Variants in TBX18 observed in about 807,000 individuals in gnomAD.
TBX18 encodes T-box transcription factor TBX18.
Under a neutral mutation model 55.0 loss-of-function variants are expected in TBX18, and 21 were observed. That is an observed-to-expected ratio of 0.38 (90% CI 0.27 to 0.55). The LOEUF (loss-of-function observed/expected upper bound fraction) is 0.55. Ranked by LOEUF, TBX18 falls within the 20% of genes least tolerant of loss-of-function variation. The probability of loss-of-function intolerance (pLI) is 0.73; values close to 1 mark genes in which losing one functional copy is unlikely to be tolerated. For missense variants in TBX18, 840 were observed against 799.6 expected (o/e 1.05, Z -0.61); for synonymous variants, 342 against 326.1 (o/e 1.05, Z -0.53).
At position 84,736,959 on chromosome 6, in the gene TBX18, G is replaced by A; in HGVS notation, c.1550C>T (p.Ser517Phe). Reference protein sequence around the residue: ...AFATNQTHQGSYNTFRLHSPC... With the variant: ...AFATNQTHQGFYNTFRLHSPC... ...GCTGTGTAATCTAAAAGTATTATAG[G>A]AACCCTGATGGGTCTGGTTAGTGGC... The change falls in exon 8 of 8, where the codon TCC (serine) becomes TTC (phenylalanine). Residue 517 changes from serine to phenylalanine, a missense_variant. By Grantham distance (155) the Ser-to-Phe change is radical (BLOSUM62 -2). Coordinates refer to ENST00000369663, the MANE Select transcript of TBX18 (RefSeq NM_001080508.3). 6.2e-7 allele frequency: 1 copy of A among 1,609,280 alleles called. No homozygotes were observed. The highest frequency in any genetic ancestry group is 8.5e-7 in the Non-Finnish European group (1 of 1,177,076).
intron 6 of TBX18, among the ~76,000 whole-genome samples, 161 bp downstream of exon 6, chr6:84,744,100 T>C (rs545025253): frequency 6.6e-6 from 1 of 152,256 alleles, no homozygotes; most frequent in African/African-American, 2.4e-5. Flanking sequence ...GGTGACACCA[T>C]TACACTACAA....
At chr6:84,753,321 T>C (rs1767400244) in intron 4 of TBX18, among the ~76,000 whole-genome samples, 1 of 152,210 alleles carries the variant, frequency 6.6e-6, no homozygotes, top group Non-Finnish European at 1.5e-5. Context: ...TGCAAAGATT[T>C]GATTCCTGCA....
At chr6:84,750,527 T>A (rs535065082) in intron 4 of TBX18, among the ~76,000 whole-genome samples, 3 of 152,256 alleles carry the variant, frequency 2.0e-5, no homozygotes, top group African/African-American at 7.2e-5. Flanking sequence ...ATTACATATA[T>A]TTAAGTCTGA....
At chr6:84,758,689 G>A (rs566426527) in intron 3 of TBX18, among the ~76,000 whole-genome samples, 76 of 152,052 alleles carry the variant, frequency 5.0e-4, no homozygotes, top group Non-Finnish European at 1.0e-3. Context: ...AACAAATAGA[G>A]TAATAGGCTC....
chr6:84,764,104 G>C lies in TBX18; in HGVS notation c.78C>G (p.Ile26Met), dbSNP rs775800364. Residue 26 changes from isoleucine to methionine, a missense_variant, in exon 1 of 8, where the codon ATC becomes ATG. Coordinates refer to ENST00000369663, the MANE Select transcript of TBX18 (RefSeq NM_001080508.3). ...KAHAFSVEALIGAEKQQQLQK... is the reference protein window; with the variant it reads ...KAHAFSVEALMGAEKQQQLQK... ...GAAGCTGTTGCTGCTTCTCGGCGCC[G>C]ATCAGCGCCTCCACCGAGAAAGCGT... The C allele has an allele frequency of 1.9e-6, 3 of 1,586,122 alleles. No individual in the cohort carries two copies. Among genetic ancestry groups the C allele is most frequent in the Admixed American group, 1.7e-5 (1 of 58,728 alleles).
chr6:84,758,039 A>C (rs1767542051), intron 3 of TBX18, among the ~76,000 whole-genome samples: 1 of 152,194 alleles, frequency 6.6e-6, no homozygotes, highest in South Asian at 2.1e-4. Context: ...TTTTGGGCTC[A>C]ATATGCCTTC....
intron 4 of TBX18, among the ~76,000 whole-genome samples, chr6:84,756,149 G>A (rs530935791): frequency 1.7e-4 from 26 of 152,238 alleles, no homozygotes; most frequent in African/African-American, 4.8e-4. Context: ...TTATTGGAAC[G>A]GCTGAACTTT....
chr6:84,754,003 C>G (rs923241705), intron 4 of TBX18, among the ~76,000 whole-genome samples: 1 of 152,204 alleles, frequency 6.6e-6, no homozygotes, highest in African/African-American at 2.4e-5. Flanking sequence ...TCTCAGCTCA[C>G]TACAACCTCT....
chr6:84,745,846 C>T (rs115821596), intron 5 of TBX18, among the ~76,000 whole-genome samples: 1,683 of 152,152 alleles, frequency 0.011, 32 homozygotes, highest in African/African-American at 0.037. Context: ...AAAATGTACA[C>T]TGTGCTAAGT....
chr6:84,756,673 T>C (rs1402446528), intron 4 of TBX18, 25 bp downstream of exon 4: 1 of 1,609,782 alleles, frequency 6.2e-7, no homozygotes, highest in South Asian at 1.1e-5. Flanking sequence ...CATCTACAGA[T>C]GCATTAGAGA....
chr6:84,752,614 C>A (rs944665002), intron 4 of TBX18, among the ~76,000 whole-genome samples: 4 of 152,158 alleles, frequency 2.6e-5, no homozygotes, highest in African/African-American at 4.8e-5. Context: ...TGAGAAAAAT[C>A]AACCCTCAGA....
chr6:84,760,836 C>G (rs1767629184), intron 2 of TBX18, among the ~76,000 whole-genome samples: 1 of 152,156 alleles, frequency 6.6e-6, no homozygotes, highest in South Asian at 2.1e-4. Flanking sequence ...ACAATATGTT[C>G]TTTATTGAGA....
Position 84,763,860 on chromosome 6 carries a change from G to A in TBX18, c.292+30C>T, listed in dbSNP as rs142794511. 7 of 1,460,978 alleles carry A rather than the reference G, an allele frequency of 4.8e-6. No homozygotes were observed. In the East Asian group the frequency reaches 1.0e-4, roughly 22 times the overall value. The allele number at this position is 1,460,978 out of a possible 1,614,324, so 90.5% of individuals were successfully genotyped here. ...CAGAAGTTCAGGTTCGCGCCGGAGA[G>A]AAGTTATAGGCAGGAAGGGGCCCAC... On this transcript the variant is annotated intron_variant, in intron 1 of 7. Coordinates refer to ENST00000369663, the MANE Select transcript of TBX18 (RefSeq NM_001080508.3).
intron 6 of TBX18, chr6:84,741,288 C>A (rs1360702882): frequency 1.3e-5 from 2 of 152,172 alleles, no homozygotes; most frequent in East Asian, 3.8e-4. Context: ...TGAACAATTT[C>A]CACATTTTAT....
intron 4 of TBX18, among the ~76,000 whole-genome samples, chr6:84,754,765 T>G (rs923511659): frequency 1.3e-5 from 2 of 152,216 alleles, no homozygotes; most frequent in Non-Finnish European, 2.9e-5. Flanking sequence ...ATCAGCAGAC[T>G]TTGAGAAAAG....
chr6:84,743,989 G>T (rs59376514), intron 6 of TBX18, among the ~76,000 whole-genome samples: 154 of 152,248 alleles, frequency 1.0e-3, no homozygotes, highest in African/African-American at 3.5e-3. Context: ...TGCCTGTAAG[G>T]GCAGGTTTCT....
intron 1 of TBX18, chr6:84,763,377 C>T (rs912890438): frequency 6.6e-6 from 3 of 457,654 alleles, no homozygotes; most frequent in South Asian, 1.5e-5. Flanking sequence ...CGCCGTCGGC[C>T]TTGGCAGAGA....
At chr6:84,757,765 T>C (rs954313745) in intron 3 of TBX18, among the ~76,000 whole-genome samples, 1 of 151,930 alleles carries the variant, frequency 6.6e-6, no homozygotes, top group Non-Finnish European at 1.5e-5. Context: ...AAGATTACCA[T>C]TTATTAATAA....
chr6:84,762,513 G>A (rs149173402), intron 2 of TBX18, 31 bp downstream of exon 2: 3 of 1,611,930 alleles, frequency 1.9e-6, no homozygotes, highest in African/African-American at 1.3e-5. Context: ...TCTGGGGTAG[G>A]GAGGGGCGTC....
Sources: allele counts gnomAD v4.1 joint callset (sites outside exome capture counted in the v4.1 genomes callset), GRCh38; gene constraint gnomAD v4.1.1; transcripts MANE v1.5; gene names NCBI Gene and HGNC (gene_info 2026-07-23, HGNC 2026-07-21).